Variants in RAD51B observed in about 807,000 individuals in gnomAD.
The protein encoded by RAD51B is RAD51 paralog B.
In RAD51B, 38 loss-of-function variants were observed where a neutral mutation model predicts 42.2. That is an observed-to-expected ratio of 0.90 (90% confidence interval 0.70 to 1.18). The LOEUF (loss-of-function observed/expected upper bound fraction) is 1.18. Among genes scored for constraint, RAD51B ranks in the 50% most tolerant of loss-of-function variants. The probability of loss-of-function intolerance (pLI) is 0.00; values close to 1 mark genes in which losing one functional copy is unlikely to be tolerated. For missense variants in RAD51B, 373 were observed against 400.7 expected, an observed-to-expected ratio of 0.93 and a Z score of 0.59; for synonymous variants, 154 against 145.2, an observed-to-expected ratio of 1.06 and a Z score of -0.43.
chr14:68,468,434 A>G, intron 10 of RAD51B, 184 bp downstream of exon 10: 1 of 752,674 alleles, frequency 1.3e-6, no homozygotes, highest in Non-Finnish European at 2.4e-6. Context: ...AGAATTTGAC[A>G]GAGAAGATTG....
intron 7 of RAD51B, among the ~76,000 whole-genome samples, chr14:67,989,654 A>AG (rs1296554442): frequency 8.0e-5 from 12 of 150,594 alleles, no homozygotes; most frequent in South Asian, 2.1e-4. Flanking sequence ...AAAAAAAAAA[A>AG]AAAGAAAGAA....
chr14:68,566,454 C>T (rs1889423440), intron 10 of RAD51B, among the ~76,000 whole-genome samples: 1 of 152,212 alleles, frequency 6.6e-6, no homozygotes, highest in African/African-American at 2.4e-5. Flanking sequence ...TCCAGGCAAA[C>T]CCCTCAAACT....
At chr14:68,538,938 A>G (rs1887798971) in intron 10 of RAD51B, among the ~76,000 whole-genome samples, 1 of 152,174 alleles carries the variant, frequency 6.6e-6, no homozygotes, top group Non-Finnish European at 1.5e-5. Flanking sequence ...CCTTCTTTAG[A>G]TATGTCCTTT....
intron 7 of RAD51B, among the ~76,000 whole-genome samples, chr14:68,235,077 T>C (rs2080219619): frequency 6.6e-6 from 1 of 152,114 alleles, no homozygotes; most frequent in African/African-American, 2.4e-5. Flanking sequence ...GATAAAAGTA[T>C]AGCAGAGTAA....
At chr14:68,463,647 T>C (rs2085903147) in intron 9 of RAD51B, among the ~76,000 whole-genome samples, 1 of 152,178 alleles carries the variant, frequency 6.6e-6, no homozygotes, top group Non-Finnish European at 1.5e-5. Context: ...CTTCACATAG[T>C]ATATACTAGT....
chr14:68,451,683 T>G (rs971708419), intron 9 of RAD51B, among the ~76,000 whole-genome samples: 1 of 152,196 alleles, frequency 6.6e-6, no homozygotes, highest in African/African-American at 2.4e-5. Context: ...CAGAGAGAAT[T>G]AATTTGACCG....
chr14:68,532,035 T>A (rs999463081), intron 10 of RAD51B, among the ~76,000 whole-genome samples: 13 of 152,168 alleles, frequency 8.5e-5, no homozygotes, highest in South Asian at 2.1e-4. Context: ...TGTTCTTTTT[T>A]GAAAATATGT....
At chr14:68,657,102 T>C (rs1260348022) in intron 11 of RAD51B, among the ~76,000 whole-genome samples, 1 of 152,198 alleles carries the variant, frequency 6.6e-6, no homozygotes, top group East Asian at 1.9e-4. Flanking sequence ...CCACTAGCCA[T>C]ATGTGACTAT....
chr14:68,148,877 A>G (rs1283203795), intron 7 of RAD51B, among the ~76,000 whole-genome samples: 1 of 152,222 alleles, frequency 6.6e-6, no homozygotes, highest in Non-Finnish European at 1.5e-5. Context: ...CAAGTAAGAT[A>G]TGATGTTCTG....
downstream of RAD51B, among the ~76,000 whole-genome samples, chr14:68,479,669 T>TC (rs1201375743): frequency 6.3e-5 from 7 of 111,354 alleles, no homozygotes; most frequent in East Asian, 1.1e-3. Context: ...TTATTCTTCT[T>TC]TTTTTTTTTT....
chr14:68,615,893 C>T (rs959939833), downstream of RAD51B, among the ~76,000 whole-genome samples: 5 of 152,140 alleles, frequency 3.3e-5, no homozygotes, highest in African/African-American at 9.7e-5. Context: ...GGACCATTTG[C>T]ATTTAATTAC....
At chr14:67,853,608 G>C (rs972289046) in intron 4 of RAD51B, among the ~76,000 whole-genome samples, 2 of 152,184 alleles carry the variant, frequency 1.3e-5, no homozygotes, top group African/African-American at 4.8e-5. Flanking sequence ...TTTGTTTCTG[G>C]TTAAAAGGTC....
chr14:68,013,212 A>G (rs1337817131), intron 7 of RAD51B, among the ~76,000 whole-genome samples: 1 of 152,168 alleles, frequency 6.6e-6, no homozygotes, highest in Non-Finnish European at 1.5e-5. Context: ...TCTCCAAATG[A>G]ACTAGTTTGG....
At chr14:67,953,726 G>A (rs1394959071) in intron 7 of RAD51B, among the ~76,000 whole-genome samples, 5 of 152,178 alleles carry the variant, frequency 3.3e-5, no homozygotes. Flanking sequence ...ATGATTGTAT[G>A]TGGGAAGTGA....
chr14:68,137,788 G>A (rs1395802424), intron 7 of RAD51B, among the ~76,000 whole-genome samples: 1 of 152,158 alleles, frequency 6.6e-6, no homozygotes, highest in Non-Finnish European at 1.5e-5. Flanking sequence ...TTGCATGACT[G>A]ACTGGCATTC....
At chr14:67,925,936 C>T (rs1312947586) in intron 7 of RAD51B, among the ~76,000 whole-genome samples, 2 of 152,170 alleles carry the variant, frequency 1.3e-5, no homozygotes, top group African/African-American at 4.8e-5. Context: ...GGCACCAAGA[C>T]CCTGGGCTGC....
At chr14:67,934,691 G>T (rs999743830) in intron 7 of RAD51B, among the ~76,000 whole-genome samples, 16 of 152,120 alleles carry the variant, frequency 1.1e-4, no homozygotes, top group African/African-American at 3.9e-4. Context: ...TCCCCTATCA[G>T]AGAAAAGAGT....
At chr14:68,480,203 G>A (rs1311806820), downstream of RAD51B, among the ~76,000 whole-genome samples, 1 of 151,818 alleles carries the variant, frequency 6.6e-6, no homozygotes, top group East Asian at 1.9e-4. Flanking sequence ...CTCCCATGTA[G>A]CCAGGATTAC....
chr14:67,886,966 A>C, intron 6 of RAD51B, 55 bp from the exon 7 acceptor site: 1 of 1,159,676 alleles, frequency 8.6e-7, no homozygotes, highest in East Asian at 2.6e-5. Flanking sequence ...CAATACCTTT[A>C]TTTATTTATT....
Sources: allele counts gnomAD v4.1 joint callset (sites outside exome capture counted in the v4.1 genomes callset), GRCh38; gene constraint gnomAD v4.1.1; transcripts MANE v1.5; gene names NCBI Gene and HGNC (gene_info 2026-07-23, HGNC 2026-07-21).